AFF1: variants seen among roughly 807,000 people sequenced by gnomAD.
AFF1 encodes the protein AF4/FMR2 family member 1.
Under a neutral mutation model 121.7 loss-of-function variants are expected in AFF1, and 48 were observed. The ratio of observed to expected loss-of-function variants is 0.39; its 90% CI spans 0.31 to 0.50. The LOEUF (loss-of-function observed/expected upper bound fraction) is 0.50. AFF1 is among the 20% of genes least tolerant of loss of function. AFF1 has a pLI of 0.76. For synonymous variants in AFF1, 613 were observed against 563.0 expected (o/e 1.09, Z -1.26); for missense variants, 1,523 against 1,511.7 (o/e 1.01, Z -0.12).
At chr4:86,956,659 A>G (rs1043064642) in intron 2 of AFF1, among the ~76,000 whole-genome samples, 5 of 152,210 alleles carry the variant, frequency 3.3e-5, no homozygotes, top group African/African-American at 9.6e-5. Context: ...GACATTTTAT[A>G]TAAGTGCAAT....
At chr4:87,119,140 T>C (rs575134080) in intron 12 of AFF1, among the ~76,000 whole-genome samples, 1 of 152,180 alleles carries the variant, frequency 6.6e-6, no homozygotes, top group Admixed American at 6.5e-5. Context: ...GTTACAGGCA[T>C]GAGTCACCAT....
At chr4:87,081,159 T>TC in intron 4 of AFF1, among the ~76,000 whole-genome samples, 1 of 115,356 alleles carries the variant, frequency 8.7e-6, no homozygotes, top group African/African-American at 3.9e-5. Context: ...TGAATTTTTT[T>TC]TTTTTTTTTT....
intron 4 of AFF1, among the ~76,000 whole-genome samples, chr4:87,083,410 TA>T (rs1723369076): frequency 6.6e-6 from 1 of 152,272 alleles, no homozygotes. Flanking sequence ...TTAAGTGAGA[TA>T]TTTTTAACTT....
chr4:87,056,980 T>C (rs1016267570), intron 4 of AFF1, among the ~76,000 whole-genome samples: 1 of 152,218 alleles, frequency 6.6e-6, no homozygotes, highest in Non-Finnish European at 1.5e-5. Flanking sequence ...TCTGGAGGCT[T>C]TTGCCAGTGG....
intron 12 of AFF1, among the ~76,000 whole-genome samples, chr4:87,115,620 T>TTTTTTTTTTC (rs1380914825): frequency 4.7e-5 from 6 of 127,250 alleles, no homozygotes; most frequent in Non-Finnish European, 1.0e-4. Context: ...TTTTTTTTTT[T>TTTTTTTTTTC]TTTTTCCAAA....
chr4:86,952,138 C>A (rs1237421999), intron 2 of AFF1, among the ~76,000 whole-genome samples: 1 of 151,954 alleles, frequency 6.6e-6, no homozygotes, highest in Non-Finnish European at 1.5e-5. Flanking sequence ...GAGGCAGATT[C>A]TTTGTAATTC....
intron 2 of AFF1, among the ~76,000 whole-genome samples, chr4:86,966,473 A>G (rs1722547396): frequency 6.6e-6 from 1 of 152,058 alleles, no homozygotes; most frequent in Non-Finnish European, 1.5e-5. Context: ...TGACTTCACC[A>G]TCCCCCAGTG....
At chr4:87,077,332 C>T (rs936800854) in intron 4 of AFF1, among the ~76,000 whole-genome samples, 5 of 152,054 alleles carry the variant, frequency 3.3e-5, no homozygotes, top group African/African-American at 4.8e-5. Context: ...GCGTGTATTA[C>T]GTAGGGTGTG....
Position 87,059,362 on chromosome 4 carries a change from A to G in AFF1, c.1059+11768A>G, listed in dbSNP as rs76023927. Among the ~76,000 whole-genome samples, 1,510 of 152,168 alleles carry G rather than the reference A, an allele frequency of 9.9e-3. 30 individuals carry two copies. Among genetic ancestry groups the G allele is most frequent in the African/African-American group, 0.034 (1,409 of 41,488 alleles). ...CCTTCCTCCTGGTCATCAGTTCTCA[A>G]TTCCTTTCTGTCATATACTCCATTG... is the stretch of plus-strand genomic sequence containing the variant. On this transcript the variant is annotated intron_variant, in intron 4 of 20. Transcript: ENST00000395146.
chr4:86,980,424 T>C (rs1323927032), intron 2 of AFF1, among the ~76,000 whole-genome samples: 2 of 152,180 alleles, frequency 1.3e-5, no homozygotes, highest in African/African-American at 4.8e-5. Flanking sequence ...GGCCGCAGTG[T>C]GCTGTGATTA....
rs1729521211 is a variant in AFF1 at position 87,139,071 on chromosome 4, A to G, written c.*3370A>G. ...ATCTTCAGTAATTTTTAGAAGCAAG[A>G]AGAAAGCCATTGTGTCCTCTACAAT... On this transcript the variant is annotated 3_prime_UTR_variant, in exon 21 of 21. Transcript: ENST00000395146. 1 of 226,758 alleles carries G rather than the reference A, an allele frequency of 4.4e-6. No individual in the cohort carries two copies. Among genetic ancestry groups the G allele is most frequent in the African/African-American group, 2.2e-5 (1 of 45,062 alleles). 14.0% of individuals were successfully genotyped at this position (226,758 alleles called of 1,614,324 possible). A position where few individuals can be genotyped will look rare whatever the true frequency, so the allele number is the denominator to read the frequency against.
rs773830420 is a variant in AFF1 at position 87,131,200 on chromosome 4, G to A, written c.3082G>A (p.Glu1028Lys). ...SSKSAYSVYS[E>K]TVDLIKFIMS... ...CAAGTCAGCTTACTCTGTCTACTCA[G>A]AAACTGTAGATCTCATTAAGTAAGT... The change falls in exon 17 of 21, where the codon GAA (glutamate) becomes AAA (lysine). Residue 1028 changes from glutamate to lysine, a missense_variant. Physicochemically the swap from Glu to Lys is moderately conservative, Grantham distance 56. Around this residue, in one of 5 missense-constraint regions of AFF1, gnomAD observed 241 missense variants for 265.2 expected, o/e 0.91. Coordinates refer to ENST00000395146, the MANE Select transcript of AFF1 (RefSeq NM_001166693.3). 3 of 1,614,066 alleles carry A rather than the reference G, an allele frequency of 1.9e-6. No homozygotes were observed. The highest frequency in any genetic ancestry group is 2.7e-5 in the African/African-American group (2 of 74,928).
intron 2 of AFF1, among the ~76,000 whole-genome samples, chr4:87,032,348 A>G (rs1014102814): frequency 5.3e-5 from 8 of 152,222 alleles, no homozygotes; most frequent in African/African-American, 1.7e-4. Flanking sequence ...ACAAAATGAA[A>G]CTGCCTCTAG....
In AFF1 at chr4:86,959,914, A is replaced by AT. The variant is rs145996724; in HGVS notation, c.38+11350dup. On this transcript the variant is annotated intron_variant, in intron 2 of 20. Transcript: ENST00000395146. ...AAATAATTGGAAGGAAAGGCAATGA[A>AT]TTTTTTTCTGACAGTTGGTTCTAAC... 3.9e-3 allele frequency among the ~76,000 whole-genome samples: 591 copies of AT among 152,162 alleles called. 3 individuals are homozygous for AT. Among genetic ancestry groups the AT allele is most frequent in the African/African-American group, 0.013 (556 of 41,516 alleles).
At chr4:86,942,265 C>G (rs1055489725) in intron 1 of AFF1, among the ~76,000 whole-genome samples, 1 of 152,116 alleles carries the variant, frequency 6.6e-6, no homozygotes, top group Non-Finnish European at 1.5e-5. Flanking sequence ...GATATTTTAC[C>G]AGCCCACAGG....
chr4:87,107,822 T>C (rs968170239), intron 10 of AFF1, among the ~76,000 whole-genome samples: 2 of 152,212 alleles, frequency 1.3e-5, no homozygotes, highest in African/African-American at 4.8e-5. Context: ...AATAAGACTT[T>C]ATTTAGAAAA....
intron 2 of AFF1, among the ~76,000 whole-genome samples, chr4:86,985,180 A>AATATATATAT (rs1724119781): frequency 5.4e-5 from 3 of 55,950 alleles, no homozygotes; most frequent in African/African-American, 3.2e-4. Context: ...AATATGTATT[A>AATATATATAT]CTATATATAT....
At chr4:87,065,673 G>A (rs1461075060) in intron 4 of AFF1, among the ~76,000 whole-genome samples, 3 of 152,194 alleles carry the variant, frequency 2.0e-5, no homozygotes, top group East Asian at 3.9e-4. Context: ...TTAAAGATGG[G>A]GCAGTGTCAG....
chr4:87,102,141 T>C (rs1725490371), intron 8 of AFF1, among the ~76,000 whole-genome samples: 1 of 152,240 alleles, frequency 6.6e-6, no homozygotes, highest in Non-Finnish European at 1.5e-5. Flanking sequence ...CCTAACCAAA[T>C]GTAAAATGTG....
Sources: gnomAD v4.1 joint callset for allele counts (sites outside exome capture counted in the v4.1 genomes callset) on GRCh38, gnomAD v4.1.1 for gene constraint, gnomAD v4.1.1 regional missense constraint, MANE v1.5 for transcripts, NCBI Gene and HGNC (gene_info 2026-07-23, HGNC 2026-07-21) for gene names.